RBFOX1: variants seen among roughly 807,000 people sequenced by gnomAD.
The protein encoded by RBFOX1 is RNA binding protein fox-1 homolog 1.
In RBFOX1, 8 loss-of-function variants were observed where a neutral mutation model predicts 57.7. The observed-to-expected ratio is 0.14, with a 90% CI of 0.08 to 0.25. RBFOX1 has a LOEUF of 0.25. Among genes scored for constraint, RBFOX1 ranks in the 10% least tolerant of loss-of-function variants. The probability of loss-of-function intolerance (pLI) is 1.00; values close to 1 mark genes in which losing one functional copy is unlikely to be tolerated. For missense variants in RBFOX1, 611 were observed against 548.5 expected (o/e 1.11, Z -1.14); for synonymous variants, 326 against 222.4 (o/e 1.47, Z -4.15).
intron 3 of RBFOX1, among the ~76,000 whole-genome samples, chr16:6,905,985 T>C (rs1296226786): frequency 2.6e-5 from 4 of 152,218 alleles, no homozygotes; most frequent in Non-Finnish European, 1.5e-5. Context: ...AGGGTCCTTC[T>C]GCAGCATTCT....
intron 2 of RBFOX1, among the ~76,000 whole-genome samples, chr16:5,590,538 G>A (rs1201777310): frequency 2.6e-5 from 4 of 152,274 alleles, no homozygotes; most frequent in East Asian, 3.9e-4. Context: ...GAAGTTGGCT[G>A]CATGCTCTTG....
At chr16:7,683,031 T>TATATATATATATATATATATATATATAA (rs2075262550) in intron 14 of RBFOX1, among the ~76,000 whole-genome samples, 1 of 13,508 alleles carries the variant, frequency 7.4e-5, no homozygotes, top group Admixed American at 1.3e-3. Context: ...TATATATATA[T>TATATATATATATATATATATATATATAA]ATAAAACAGT....
chr16:5,359,189 C>T (rs2065475029), intron 1 of RBFOX1, among the ~76,000 whole-genome samples: 1 of 152,186 alleles, frequency 6.6e-6, no homozygotes, highest in Non-Finnish European at 1.5e-5. Flanking sequence ...TGTATAAGTA[C>T]CACATTTTCT....
chr16:6,681,288 A>T (rs1389658441), intron 3 of RBFOX1, among the ~76,000 whole-genome samples: 1 of 152,200 alleles, frequency 6.6e-6, no homozygotes, highest in Non-Finnish European at 1.5e-5. Flanking sequence ...ACTGCACTCC[A>T]GTTTAGGTGA....
intron 3 of RBFOX1, among the ~76,000 whole-genome samples, chr16:6,923,342 T>A (rs2074902699): frequency 6.6e-6 from 1 of 152,122 alleles, no homozygotes; most frequent in African/African-American, 2.4e-5. Context: ...AAGACCAGCC[T>A]GGCCAACATG....
intron 4 of RBFOX1, among the ~76,000 whole-genome samples, chr16:7,154,841 G>C: frequency 6.6e-6 from 1 of 152,028 alleles, no homozygotes; most frequent in East Asian, 1.9e-4. Flanking sequence ...ACAACTGTAT[G>C]AAGTTTGAAG....
chr16:7,520,046 C>T (rs957759625), intron 5 of RBFOX1, among the ~76,000 whole-genome samples: 2 of 151,970 alleles, frequency 1.3e-5, no homozygotes, highest in South Asian at 4.2e-4. Flanking sequence ...CCACCATGTC[C>T]GGCTAATTTT....
chr16:7,572,577 C>T (rs1232054326), intron 5 of RBFOX1, among the ~76,000 whole-genome samples: 18 of 152,090 alleles, frequency 1.2e-4, no homozygotes, highest in Non-Finnish European at 2.4e-4. Flanking sequence ...CGGTGGCTCA[C>T]GCCTGTAATC....
intron 4 of RBFOX1, among the ~76,000 whole-genome samples, chr16:7,401,513 A>C (rs2098243056): frequency 2.0e-5 from 3 of 152,210 alleles, no homozygotes; most frequent in Non-Finnish European, 4.4e-5. Context: ...TAGGTAAAAA[A>C]TAGAAAAATA....
chr16:5,571,060 T>G (rs954861586), intron 2 of RBFOX1, among the ~76,000 whole-genome samples: 3 of 152,006 alleles, frequency 2.0e-5, no homozygotes, highest in African/African-American at 4.8e-5. Flanking sequence ...TTTCTTTTCT[T>G]TAGTTGTTTT....
chr16:7,702,938 G>C (rs1020857368), intron 14 of RBFOX1, among the ~76,000 whole-genome samples: 8 of 152,202 alleles, frequency 5.3e-5, no homozygotes, highest in African/African-American at 1.9e-4. Context: ...TTCTTCCTGG[G>C]TGCAGGTTAC....
At chr16:5,490,561 G>T (rs1011324029) in intron 2 of RBFOX1, among the ~76,000 whole-genome samples, 3 of 152,194 alleles carry the variant, frequency 2.0e-5, no homozygotes, top group Non-Finnish European at 4.4e-5. Flanking sequence ...GGAATCCCCC[G>T]CCCTCCATGG....
chr16:6,933,089 G>A (rs769858057), intron 3 of RBFOX1, among the ~76,000 whole-genome samples: 12 of 152,144 alleles, frequency 7.9e-5, no homozygotes, highest in Non-Finnish European at 1.8e-4. Flanking sequence ...CCTGTCTAAG[G>A]ATGAATTACA....
chr16:7,690,559 G>A (rs1485399691), intron 14 of RBFOX1, among the ~76,000 whole-genome samples: 3 of 152,130 alleles, frequency 2.0e-5, no homozygotes, highest in African/African-American at 7.2e-5. Context: ...TCTGTGTTGA[G>A]AGAAAGCAGC....
intron 4 of RBFOX1, among the ~76,000 whole-genome samples, chr16:5,879,103 A>T (rs889261583): frequency 1.3e-5 from 2 of 152,130 alleles, no homozygotes; most frequent in African/African-American, 4.8e-5. Context: ...ATACTGGGAG[A>T]TCCTTGCAAA....
chr16:5,938,364 C>G (rs547008044), intron 4 of RBFOX1, among the ~76,000 whole-genome samples: 1 of 152,250 alleles, frequency 6.6e-6, no homozygotes, highest in Non-Finnish European at 1.5e-5. Flanking sequence ...AATTTTGGCC[C>G]TATTTCAGTG....
At chr16:6,639,077 T>C (rs1375448847) in intron 2 of RBFOX1, among the ~76,000 whole-genome samples, 1 of 152,216 alleles carries the variant, frequency 6.6e-6, no homozygotes, top group Non-Finnish European at 1.5e-5. Flanking sequence ...ATCGTTTCAC[T>C]CAGAGCAGCA....
At chr16:7,138,825 A>C (rs1825026972) in intron 4 of RBFOX1, among the ~76,000 whole-genome samples, 1 of 151,998 alleles carries the variant, frequency 6.6e-6, no homozygotes, top group Admixed American at 6.6e-5. Context: ...GACTTTTTTT[A>C]TAAGATGGAG....
At chr16:5,530,351 C>T (rs951785646) in intron 2 of RBFOX1, among the ~76,000 whole-genome samples, 2 of 152,092 alleles carry the variant, frequency 1.3e-5, no homozygotes, top group African/African-American at 2.4e-5. Flanking sequence ...GCTTCTAGAA[C>T]CCCATTTTAA....
Sources: allele counts gnomAD v4.1 joint callset (sites outside exome capture counted in the v4.1 genomes callset), GRCh38; gene constraint gnomAD v4.1.1; transcripts MANE v1.5; gene names NCBI Gene and HGNC (gene_info 2026-07-23, HGNC 2026-07-21).